C8orf89: variants seen among roughly 807,000 people sequenced by gnomAD.
The protein encoded by C8orf89 is chromosome 8 open reading frame 89.
C8orf89 carries 14 observed loss-of-function variants against 15.8 expected under a neutral mutation model. The observed-to-expected ratio is 0.89, with a 90% CI of 0.59 to 1.39. The LOEUF is 1.39. C8orf89 is among the 40% of genes most tolerant of loss of function. The pLI, the probability that C8orf89 is intolerant of heterozygous loss-of-function variation, is 0.00. For missense variants in C8orf89, 181 were observed against 184.5 expected (o/e 0.98, Z 0.11); for synonymous variants, 55 against 62.2 (o/e 0.88, Z 0.54).
the C8orf89 span, among the ~76,000 whole-genome samples, chr8:73,271,328 A>G: frequency 6.6e-6 from 1 of 152,090 alleles, no homozygotes; most frequent in Non-Finnish European, 1.5e-5. Flanking sequence ...ATGGGAGTGG[A>G]TCTCTCATGA....
Position 73,259,479 on chromosome 8 carries a change from C to A in C8orf89, c.-21G>T. On this transcript the variant is annotated 5_prime_UTR_variant, in exon 1 of 4. Coordinates refer to ENST00000624510, the MANE Select transcript of C8orf89 (RefSeq NM_001243237.3). ...GACATTTTTTCTTCTTTCAACAGTG[C>A]TGATGAGAGGGAGATGCTGCTGCAG... 1 of 1,492,754 alleles carries A rather than the reference C, an allele frequency of 6.7e-7. No individual in the cohort carries two copies. Among genetic ancestry groups the A allele is most frequent in the Non-Finnish European group, 8.9e-7 (1 of 1,126,222 alleles). 92.5% of individuals were successfully genotyped at this position (1,492,754 alleles called of 1,614,324 possible). A position where few individuals can be genotyped will look rare whatever the true frequency, so the allele number is the denominator to read the frequency against.
the C8orf89 span, among the ~76,000 whole-genome samples, chr8:73,283,420 A>G: frequency 6.6e-6 from 1 of 152,298 alleles, no homozygotes; most frequent in African/African-American, 2.4e-5. Context: ...TCTAATCTTA[A>G]ATGTGCCCCT....
At chr8:73,267,499 A>G in the C8orf89 span, among the ~76,000 whole-genome samples, 1 of 152,346 alleles carries the variant, frequency 6.6e-6, no homozygotes, top group Admixed American at 6.5e-5. Context: ...TTAATTTGAA[A>G]CCCAATACAT....
At position 73,249,422 on chromosome 8, in the gene C8orf89, T is replaced by C. The variant is rs547617858; in HGVS notation, c.337+846A>G. On this transcript the variant is annotated intron_variant, in intron 3 of 3. Transcript: ENST00000624510. ...TCTGCATATTTCGGTATCAGGATGA[T>C]GCTTGTCTCATAGAATGAGTTACAG... 6.6e-5 allele frequency among the ~76,000 whole-genome samples: 10 copies of C among 152,330 alleles called. No homozygotes were observed. In the East Asian group the frequency reaches 1.7e-3, roughly 26 times the overall value.
chr8:73,253,685 T>G (rs1220493316), intron 2 of C8orf89, among the ~76,000 whole-genome samples: 1 of 151,538 alleles, frequency 6.6e-6, no homozygotes, highest in Non-Finnish European at 1.5e-5. Context: ...GGTATTTTAT[T>G]CTCTTTGAAG....
the C8orf89 span, among the ~76,000 whole-genome samples, chr8:73,273,693 C>G: frequency 1.3e-5 from 2 of 151,072 alleles, no homozygotes; most frequent in Non-Finnish European, 2.9e-5. Flanking sequence ...GTCAGTTCCA[C>G]GTGAAGTCTG....
At chr8:73,247,311 G>A (rs1008826187) in intron 3 of C8orf89, among the ~76,000 whole-genome samples, 2 of 152,014 alleles carry the variant, frequency 1.3e-5, no homozygotes, top group African/African-American at 4.8e-5. Flanking sequence ...CATGGTATAT[G>A]TGTACCACAT....
chr8:73,285,726 T>C, the C8orf89 span, among the ~76,000 whole-genome samples: 1 of 152,146 alleles, frequency 6.6e-6, no homozygotes, highest in Non-Finnish European at 1.5e-5. Context: ...GCGGGCAGTG[T>C]GGGAGCCAGC....
chr8:73,285,292 G>C, the C8orf89 span, among the ~76,000 whole-genome samples: 1 of 152,200 alleles, frequency 6.6e-6, no homozygotes, highest in Non-Finnish European at 1.5e-5. Context: ...TTACTTACCA[G>C]AAGTAAGGGG....
chr8:73,265,649 C>A, the C8orf89 span, among the ~76,000 whole-genome samples: 1 of 152,182 alleles, frequency 6.6e-6, no homozygotes, highest in African/African-American at 2.4e-5. Flanking sequence ...GGTGATCTCT[C>A]CCATGCCATT....
chr8:73,268,976 A>G, the C8orf89 span, among the ~76,000 whole-genome samples: 1 of 152,362 alleles, frequency 6.6e-6, no homozygotes, highest in Non-Finnish European at 1.5e-5. Context: ...GTCACTTTCC[A>G]GAAGTCATAC....
chr8:73,245,185 C>T (rs1449698808), intron 3 of C8orf89, among the ~76,000 whole-genome samples: 1 of 152,218 alleles, frequency 6.6e-6, no homozygotes, highest in African/African-American at 2.4e-5. Flanking sequence ...ATTCAATCAT[C>T]TCCCACTGAG....
upstream of C8orf89, among the ~76,000 whole-genome samples, chr8:73,260,659 A>G (rs1461217693): frequency 6.6e-6 from 1 of 152,172 alleles, no homozygotes; most frequent in Non-Finnish European, 1.5e-5. Context: ...GCATTAGGGA[A>G]GCATTTCTGG....
chr8:73,283,823 T>C, the C8orf89 span, among the ~76,000 whole-genome samples: 15,288 of 152,116 alleles, frequency 0.1, 896 homozygotes, highest in East Asian at 0.14. Flanking sequence ...GCACATCACC[T>C]GACATCAGGA....
chr8:73,273,672 G>A, the C8orf89 span, among the ~76,000 whole-genome samples: 1 of 152,094 alleles, frequency 6.6e-6, no homozygotes, highest in Non-Finnish European at 1.5e-5. Flanking sequence ...CTGAAGCCTG[G>A]GGCCCAGGCT....
chr8:73,241,751 CA>C (rs35524206), intron 3 of C8orf89, 146 bp from the exon 4 acceptor site: 53,914 of 505,532 alleles, frequency 0.11, 3,402 homozygotes, highest in East Asian at 0.19. Flanking sequence ...TATACTAACC[CA>C]AAAAAAAGCA....
intron 3 of C8orf89, among the ~76,000 whole-genome samples, chr8:73,243,096 A>G (rs35316800): frequency 0.072 from 11,021 of 152,260 alleles, 412 homozygotes; most frequent in Middle Eastern, 0.089. Flanking sequence ...TGTGGGTGCT[A>G]AAAACTAGAA....
chr8:73,245,560 T>A (rs188678771), intron 3 of C8orf89, among the ~76,000 whole-genome samples: 27 of 152,062 alleles, frequency 1.8e-4, no homozygotes, highest in African/African-American at 5.8e-4. Context: ...AAAGGGATTT[T>A]TTAAAAAGAC....
At chr8:73,267,736 A>G in the C8orf89 span, among the ~76,000 whole-genome samples, 472 of 152,310 alleles carry the variant, frequency 3.1e-3, 22 homozygotes, top group Admixed American at 0.031. Flanking sequence ...TGTTGCTGGG[A>G]CAGTATTTTG....
Sources: gnomAD v4.1 joint callset for allele counts (sites outside exome capture counted in the v4.1 genomes callset) on GRCh38, gnomAD v4.1.1 for gene constraint, MANE v1.5 for transcripts, NCBI Gene and HGNC (gene_info 2026-07-23, HGNC 2026-07-21) for gene names.